The following NAV2 variants were observed in gnomAD, a reference collection of about 807,000 sequenced individuals.
NAV2 encodes the protein neuron navigator 2.
Under a neutral mutation model 223.2 loss-of-function variants are expected in NAV2, and 54 were observed. The observed-to-expected ratio is 0.24, with a 90% CI of 0.19 to 0.30. The LOEUF (loss-of-function observed/expected upper bound fraction) is 0.30, where lower values mean the gene tolerates loss of function less well. Among genes scored for constraint, NAV2 ranks in the 10% least tolerant of loss-of-function variants. The pLI is 1.00. For missense variants in NAV2, 2,806 were observed against 3,147.5 expected (o/e 0.89, Z 2.60); for synonymous variants, 1,279 against 1,239.3 (o/e 1.03, Z -0.67).
chr11:19,700,235 T>C (rs1271240583), intron 1 of NAV2, among the ~76,000 whole-genome samples: 1 of 152,206 alleles, frequency 6.6e-6, no homozygotes, highest in African/African-American at 2.4e-5. Flanking sequence ...GGGACTGTTA[T>C]AAACTCTATT....
intron 1 of NAV2, among the ~76,000 whole-genome samples, chr11:19,484,159 C>CACACACACACA (rs1554945488): frequency 1.4e-5 from 2 of 147,830 alleles, no homozygotes; most frequent in African/African-American, 2.5e-5. Flanking sequence ...CACACACACA[C>CACACACACACA]CCCAAGTCTC....
chr11:19,462,694 G>T (rs773808721), intron 1 of NAV2, among the ~76,000 whole-genome samples: 1 of 152,202 alleles, frequency 6.6e-6, no homozygotes. Context: ...TGATGACCAG[G>T]TTTGAGTAGC....
intron 1 of NAV2, among the ~76,000 whole-genome samples, chr11:19,577,446 C>G (rs2045601317): frequency 6.6e-6 from 1 of 152,262 alleles, no homozygotes; most frequent in Non-Finnish European, 1.5e-5. Context: ...GCGCAGCCAT[C>G]TGTGTGAGCC....
intron 1 of NAV2, among the ~76,000 whole-genome samples, chr11:19,586,852 CTGTT>C (rs2045915443): frequency 6.6e-6 from 1 of 152,238 alleles, no homozygotes; most frequent in African/African-American, 2.4e-5. Flanking sequence ...GGCAGTCTGT[CTGTT>C]CTCAGATCTC....
At chr11:19,559,138 G>A (rs1288993152) in intron 1 of NAV2, among the ~76,000 whole-genome samples, 2 of 152,192 alleles carry the variant, frequency 1.3e-5, no homozygotes, top group African/African-American at 4.8e-5. Flanking sequence ...TGGCCATCTT[G>A]CAAACCACCT....
At chr11:19,763,127 G>A (rs1050922284) in intron 1 of NAV2, among the ~76,000 whole-genome samples, 3 of 152,190 alleles carry the variant, frequency 2.0e-5, no homozygotes, top group Admixed American at 2.0e-4. Flanking sequence ...CTGGACCGCA[G>A]TAGATATGTG....
intron 4 of NAV2, among the ~76,000 whole-genome samples, chr11:19,877,472 T>TTTTTTTTTTTTTCTTTTTTGTTTTC (rs1313196964): frequency 8.5e-6 from 1 of 117,850 alleles, no homozygotes. Flanking sequence ...TCTTCATTCT[T>TTTTTTTTTTTTTCTTTTTTGTTTTC]TTTTTTTTTT....
At chr11:19,422,573 T>C (rs1170239576) in intron 1 of NAV2, among the ~76,000 whole-genome samples, 2 of 144,944 alleles carry the variant, frequency 1.4e-5, no homozygotes, top group South Asian at 2.4e-4. Context: ...ATAAGGCCCT[T>C]CTGCGGCTGA....
At chr11:19,696,353 G>A (rs2049341075) in intron 1 of NAV2, among the ~76,000 whole-genome samples, 1 of 152,234 alleles carries the variant, frequency 6.6e-6, no homozygotes, top group Admixed American at 6.5e-5. Flanking sequence ...AAACTTGGAA[G>A]CCTGACAAAA....
intron 1 of NAV2, among the ~76,000 whole-genome samples, chr11:19,542,884 C>T (rs921093518): frequency 1.3e-5 from 2 of 152,204 alleles, no homozygotes; most frequent in African/African-American, 4.8e-5. Context: ...TGAAACCCTC[C>T]CCTTCCTGGG....
chr11:19,640,417 CATATA>C (rs1452213985), intron 1 of NAV2, among the ~76,000 whole-genome samples: 3 of 151,200 alleles, frequency 2.0e-5, no homozygotes, highest in Non-Finnish European at 2.9e-5. Context: ...TATAAAAATA[CATATA>C]ATATATACTA....
At chr11:19,457,141 A>T (rs1202588844) in intron 1 of NAV2, among the ~76,000 whole-genome samples, 1 of 152,250 alleles carries the variant, frequency 6.6e-6, no homozygotes, top group Non-Finnish European at 1.5e-5. Context: ...ACTCTCATAG[A>T]GTTTATACTC....
intron 11 of NAV2, among the ~76,000 whole-genome samples, chr11:20,012,663 A>G (rs1466583129): frequency 1.5e-5 from 2 of 130,514 alleles, no homozygotes; most frequent in Non-Finnish European, 3.1e-5. Flanking sequence ...CAACAAAGTT[A>G]GACTCCATCT....
chr11:19,403,097 T>C (rs1849755237), intron 1 of NAV2, among the ~76,000 whole-genome samples: 1 of 152,160 alleles, frequency 6.6e-6, no homozygotes, highest in Non-Finnish European at 1.5e-5. Context: ...ATCTGAAATA[T>C]GGGTTGTTAA....
intron 1 of NAV2, among the ~76,000 whole-genome samples, chr11:19,356,232 C>T (rs1590041106): frequency 6.6e-6 from 1 of 152,198 alleles, no homozygotes; most frequent in Non-Finnish European, 1.5e-5. Flanking sequence ...CCAGATGCAA[C>T]TCCATTCAGT....
intron 1 of NAV2, among the ~76,000 whole-genome samples, chr11:19,763,323 G>A (rs2054923648): frequency 6.6e-6 from 1 of 152,208 alleles, no homozygotes; most frequent in Admixed American, 6.5e-5. Flanking sequence ...ATAAGGCATA[G>A]CATGCAAGAA....
chr11:20,065,398 A>G (rs2058978819), intron 20 of NAV2, among the ~76,000 whole-genome samples: 1 of 152,202 alleles, frequency 6.6e-6, no homozygotes, highest in Non-Finnish European at 1.5e-5. Context: ...TGAAATTTGC[A>G]ATTTTAATTA....
At chr11:19,428,901 G>A (rs1850938779) in intron 1 of NAV2, among the ~76,000 whole-genome samples, 1 of 152,176 alleles carries the variant, frequency 6.6e-6, no homozygotes, top group African/African-American at 2.4e-5. Flanking sequence ...CTTGACGTGT[G>A]TGCATTATGA....
intron 1 of NAV2, among the ~76,000 whole-genome samples, chr11:19,758,471 G>A (rs1450892071): frequency 6.6e-6 from 1 of 152,196 alleles, no homozygotes. Flanking sequence ...AGAGGAGCAG[G>A]AAGCAGCGAC....
Sources: allele counts gnomAD v4.1 joint callset (sites outside exome capture counted in the v4.1 genomes callset), GRCh38; gene constraint gnomAD v4.1.1; transcripts MANE v1.5; gene names NCBI Gene and HGNC (gene_info 2026-07-23, HGNC 2026-07-21).